ASAP1: variants seen among roughly 807,000 people sequenced by gnomAD.
ASAP1 encodes the protein arf-GAP with SH3 domain, ANK repeat and PH domain-containing protein 1.
In ASAP1, 43 loss-of-function variants were observed where a neutral mutation model predicts 145.2. The ratio of observed to expected loss-of-function variants is 0.30; its 90% CI spans 0.23 to 0.38. The LOEUF is 0.38. Ranked by LOEUF, ASAP1 falls within the 10% of genes least tolerant of loss-of-function variation. The pLI is 1.00. For synonymous variants in ASAP1, 546 were observed against 515.5 expected, an observed-to-expected ratio of 1.06 and a Z score of -0.80; for missense variants, 1,018 against 1,355.3, an observed-to-expected ratio of 0.75 and a Z score of 3.91.
At chr8:130,417,293 A>G (rs1359749250) in intron 1 of ASAP1, among the ~76,000 whole-genome samples, 3 of 152,218 alleles carry the variant, frequency 2.0e-5, no homozygotes, top group African/African-American at 7.2e-5. Context: ...ACATACACAA[A>G]TGCAATGGAC....
rs1262649412 is a variant in ASAP1, at chr8:130,054,627, T to C, written c.*104A>G. ...CCTCCTGAGGTGGCCCTTCCATGAG[T>C]TTCTTACTCTGTAACAGCAGCTATA... On this transcript the variant is annotated 3_prime_UTR_variant, in exon 30 of 30. Coordinates refer to ENST00000518721, the MANE Select transcript of ASAP1 (RefSeq NM_018482.4). 1.0e-6 allele frequency: 1 copy of C among 992,676 alleles called. No homozygotes were observed. The highest frequency in any genetic ancestry group is 1.6e-6 in the Non-Finnish European group (1 of 629,508). The allele number at this position is 992,676 out of a possible 1,614,324, so 61.5% of individuals were successfully genotyped here.
chr8:130,264,291 A>G (rs563143512), intron 3 of ASAP1, among the ~76,000 whole-genome samples: 60 of 152,178 alleles, frequency 3.9e-4, no homozygotes, highest in African/African-American at 1.4e-3. Flanking sequence ...TGGTCCTTCC[A>G]TGGTTGACCT....
chr8:130,199,639 C>T (rs137913887), intron 5 of ASAP1, among the ~76,000 whole-genome samples: 17 of 152,244 alleles, frequency 1.1e-4, no homozygotes, highest in Admixed American at 5.9e-4. Context: ...TTGTTTCTGG[C>T]ATCAATAAAG....
At chr8:130,104,951 G>A (rs2097534543) in intron 24 of ASAP1, among the ~76,000 whole-genome samples, 1 of 152,132 alleles carries the variant, frequency 6.6e-6, no homozygotes, top group Non-Finnish European at 1.5e-5. Flanking sequence ...CACATTCTAA[G>A]CTGCCACATA....
intron 1 of ASAP1, among the ~76,000 whole-genome samples, chr8:130,413,329 G>A (rs1413809186): frequency 1.3e-5 from 2 of 152,158 alleles, no homozygotes; most frequent in Non-Finnish European, 2.9e-5. Context: ...TTAGGAGTAG[G>A]TCCAATTAAC....
intron 3 of ASAP1, among the ~76,000 whole-genome samples, chr8:130,300,151 CACAGAGAGAGAGAGAG>C (rs1822555792): frequency 1.2e-5 from 1 of 84,736 alleles, no homozygotes; most frequent in African/African-American, 4.5e-5. Flanking sequence ...CACACACACA[CACAGAGAGAGAGAGAG>C]AGAGAGAGAG....
chr8:130,092,555 A>G (rs1300549120), intron 24 of ASAP1, among the ~76,000 whole-genome samples: 1 of 152,180 alleles, frequency 6.6e-6, no homozygotes, highest in East Asian at 1.9e-4. Context: ...TGAAGTCAGG[A>G]GTTCGAGGAT....
chr8:130,193,221 T>C (rs1815261315), intron 5 of ASAP1, among the ~76,000 whole-genome samples: 1 of 151,930 alleles, frequency 6.6e-6, no homozygotes, highest in South Asian at 2.1e-4. Context: ...ATACAAAAAT[T>C]AGCCAGGCAT....
chr8:130,069,723 G>A (rs1376857311), intron 27 of ASAP1: 2 of 152,092 alleles, frequency 1.3e-5, no homozygotes, highest in Admixed American at 6.5e-5. Flanking sequence ...AACATTAAAC[G>A]GCCCTAACCC....
rs2097444917 is a variant in ASAP1, at chr8:130,071,011, G to GGGGA, written c.2701+5336_2701+5337insTCCC. ...AGAGAGAGAGAGAGAGGGGAGGGGG[G>GGGGA]GAGAGAGAGAGAGAGAGAGAGAGAG... On this transcript the variant is annotated intron_variant, in intron 27 of 29. Coordinates refer to ENST00000518721, the MANE Select transcript of ASAP1 (RefSeq NM_018482.4). Among the ~76,000 whole-genome samples, 8 of 11,438 alleles carry GGGGA rather than the reference G, an allele frequency of 7.0e-4. 1 individual carries two copies. Among genetic ancestry groups the GGGGA allele is most frequent in the African/African-American group, 9.0e-4 (2 of 2,234 alleles). The allele number at this position is 11,438 out of a possible 152,430, so 7.5% of individuals were successfully genotyped here. A position where few individuals can be genotyped will look rare whatever the true frequency, so the allele number is the denominator to read the frequency against.
chr8:130,097,311 C>T (rs1400515827), intron 24 of ASAP1, among the ~76,000 whole-genome samples: 1 of 151,942 alleles, frequency 6.6e-6, no homozygotes, highest in Non-Finnish European at 1.5e-5. Context: ...GGCTTCTCTC[C>T]TCACCTGCCC....
rs778097102 is a variant in ASAP1 at position 130,118,608 on chromosome 8, T to C, written c.1675A>G (p.Thr559Ala). The C allele has an allele frequency of 1.5e-5, 24 of 1,613,966 alleles. No individual in the cohort carries two copies. Among genetic ancestry groups the C allele is most frequent in the Middle Eastern group, 1.6e-4 (1 of 6,082 alleles). The change falls in exon 19 of 30, where the codon ACT (threonine) becomes GCT (alanine). Residue 559 changes from threonine (T) to alanine (A), a missense_variant. By Grantham distance (58) the Thr-to-Ala change is moderately conservative. Transcript: ENST00000518721. ...AATTCATTTAGTTTAGCTGATGAAG[T>C]TGAACAGGTCTTCCTTGAAAACCTA... ...DHRFSRKTCS[T>A]SSAKLNELLE...
chr8:130,170,066 T>C (rs28413707), intron 9 of ASAP1, among the ~76,000 whole-genome samples: 17,694 of 152,266 alleles, frequency 0.12, 1,138 homozygotes, highest in Non-Finnish European at 0.15. Flanking sequence ...CAAAACACTA[T>C]CTGTTTTGCT....
At chr8:130,180,625 C>T in intron 8 of ASAP1, 126 bp downstream of exon 8, 2 of 1,200,178 alleles carry the variant, frequency 1.7e-6, no homozygotes, top group Non-Finnish European at 2.3e-6. Context: ...GATTAGAATC[C>T]TTAAGAAACA....
chr8:130,332,597 A>T (rs1008453804), intron 3 of ASAP1, among the ~76,000 whole-genome samples: 1 of 152,240 alleles, frequency 6.6e-6, no homozygotes, highest in Non-Finnish European at 1.5e-5. Flanking sequence ...TCCAGAATGC[A>T]AAACAACTTT....
intron 8 of ASAP1, among the ~76,000 whole-genome samples, 172 bp from the exon 9 acceptor site, chr8:130,179,521 T>C (rs192016566): frequency 2.6e-5 from 4 of 152,168 alleles, no homozygotes; most frequent in African/African-American, 9.7e-5. Context: ...CAAAACAAAT[T>C]GACTAGAGTG....
At chr8:130,306,728 T>C (rs1247846866) in intron 3 of ASAP1, among the ~76,000 whole-genome samples, 1 of 152,204 alleles carries the variant, frequency 6.6e-6, no homozygotes, top group Non-Finnish European at 1.5e-5. Flanking sequence ...TTTAAGTAAA[T>C]ACCAATGGAC....
At position 130,116,691 on chromosome 8, in the gene ASAP1, T is replaced by C. The variant is rs983262459; in HGVS notation, c.2051A>G (p.Gln684Arg). 2 of 1,613,984 alleles carry C rather than the reference T, an allele frequency of 1.2e-6. No individual in the cohort carries two copies. The highest frequency in any genetic ancestry group is 1.3e-5 in the African/African-American group (1 of 74,924). ...ATTTTTGCTTACCAGATCTTCACAC[T>C]GGGTAGCTTTTAGTCTCTTTGCTAT... ...LDIAKRLKAT[Q>R]CEDLLSQAKS... Residue 684 changes from glutamine to arginine, a missense_variant, in exon 22 of 30, where the codon CAG becomes CGG. Physicochemically the swap from Gln to Arg is conservative, Grantham distance 43. Coordinates refer to ENST00000518721, the MANE Select transcript of ASAP1 (RefSeq NM_018482.4).
At chr8:130,384,673 G>A (rs950363727) in intron 2 of ASAP1, among the ~76,000 whole-genome samples, 1 of 152,040 alleles carries the variant, frequency 6.6e-6, no homozygotes, top group Admixed American at 6.6e-5. Context: ...GTAGAGATGG[G>A]GTTTCACCAT....
Sources: gnomAD v4.1 joint callset for allele counts (sites outside exome capture counted in the v4.1 genomes callset) on GRCh38, gnomAD v4.1.1 for gene constraint, MANE v1.5 for transcripts, NCBI Gene and HGNC (gene_info 2026-07-23, HGNC 2026-07-21) for gene names.